The following KRABD2 variants were observed in gnomAD, a reference collection of about 807,000 sequenced individuals.
The protein encoded by KRABD2 is KRAB domain containing 2, also known as KRAB domain-containing protein 2.
chr17:8,370,102 C>G, the KRABD2 span: 2 of 1,614,104 alleles, frequency 1.2e-6, no homozygotes, highest in South Asian at 1.1e-5. Flanking sequence ...ATCAGTTTCT[C>G]TGTGCCCTGT....
At chr17:8,363,842 T>TATATATATA in the KRABD2 span, among the ~76,000 whole-genome samples, 64 of 80,886 alleles carry the variant, frequency 7.9e-4, 1 homozygote, top group African/African-American at 2.8e-3. Flanking sequence ...TATATATATA[T>TATATATATA]ATATATATAT....
the KRABD2 span, chr17:8,370,001 A>G: frequency 1.2e-6 from 2 of 1,614,102 alleles, no homozygotes; most frequent in Non-Finnish European, 8.5e-7. Flanking sequence ...CACCATGTCC[A>G]ATACTGAGAT....
At chr17:8,369,929 A>T in the KRABD2 span, 1 of 1,614,204 alleles carries the variant, frequency 6.2e-7, no homozygotes, top group East Asian at 2.2e-5. Context: ...GATATAAGAC[A>T]ATAACTTCTT....
chr17:8,363,590 C>T, the KRABD2 span, among the ~76,000 whole-genome samples: 15 of 151,786 alleles, frequency 9.9e-5, no homozygotes, highest in Admixed American at 7.2e-4. Flanking sequence ...TCAGGTGATC[C>T]GTCCATCTTG....
chr17:8,365,626 G>A, the KRABD2 span: 15 of 152,214 alleles, frequency 9.9e-5, no homozygotes, highest in African/African-American at 3.6e-4. Flanking sequence ...TGGAGGACAG[G>A]GTCCGCAAAG....
chr17:8,360,672 T>C, the KRABD2 span, among the ~76,000 whole-genome samples: 1 of 152,190 alleles, frequency 6.6e-6, no homozygotes, highest in Non-Finnish European at 1.5e-5. Context: ...TCTTTTATAT[T>C]TCAAAGTATC....
At chr17:8,370,906 C>A in the KRABD2 span, among the ~76,000 whole-genome samples, 1 of 151,908 alleles carries the variant, frequency 6.6e-6, no homozygotes, top group Non-Finnish European at 1.5e-5. Flanking sequence ...CAGTGGCTCA[C>A]GCCTGTAATC....
chr17:8,370,101 T>C, the KRABD2 span: 1 of 1,614,140 alleles, frequency 6.2e-7, no homozygotes. Flanking sequence ...TATCAGTTTC[T>C]CTGTGCCCTG....
At chr17:8,369,970 CCTT>C in the KRABD2 span, 23 of 1,614,044 alleles carry the variant, frequency 1.4e-5, no homozygotes, top group South Asian at 2.3e-4. Flanking sequence ...CCTTGCAGCT[CCTT>C]GAGCATGCGT....
the KRABD2 span, chr17:8,359,927 T>C: frequency 1.6e-5 from 7 of 434,664 alleles, no homozygotes; most frequent in Middle Eastern, 3.4e-4. Context: ...TACACTGAAT[T>C]GTGGGGGTAG....
chr17:8,366,624 A>G, the KRABD2 span, among the ~76,000 whole-genome samples: 1 of 152,316 alleles, frequency 6.6e-6, no homozygotes, highest in Non-Finnish European at 1.5e-5. Flanking sequence ...TGGCACATAC[A>G]GTTTCTCCTG....
the KRABD2 span, chr17:8,370,120 T>C: frequency 6.2e-7 from 1 of 1,614,052 alleles, no homozygotes; most frequent in Middle Eastern, 1.6e-4. Context: ...TGTACAGAGA[T>C]CACATCATAT....
At chr17:8,370,291 T>A in the KRABD2 span, 1 of 1,612,786 alleles carries the variant, frequency 6.2e-7, no homozygotes, top group Non-Finnish European at 8.5e-7. Context: ...TTTTCTCTCA[T>A]GTTACTTATC....
the KRABD2 span, among the ~76,000 whole-genome samples, chr17:8,372,575 A>T: frequency 2.0e-5 from 3 of 152,178 alleles, no homozygotes; most frequent in African/African-American, 7.2e-5. This position sits in a 1 kb window ranked among gnomAD's most constrained non-coding sequence, Gnocchi z 4.1. Flanking sequence ...TACAGGTGTG[A>T]GCCAGCACAC....
At chr17:8,375,193 A>T in the KRABD2 span, among the ~76,000 whole-genome samples, 1 of 151,180 alleles carries the variant, frequency 6.6e-6, no homozygotes. Context: ...TTGTATTTTT[A>T]CTAGAGATGG....
the KRABD2 span, among the ~76,000 whole-genome samples, chr17:8,373,040 T>C: frequency 6.6e-6 from 1 of 152,336 alleles, no homozygotes; most frequent in East Asian, 1.9e-4. Flanking sequence ...GGGTCTACAA[T>C]TATCTAATAG....
chr17:8,369,940 T>G, the KRABD2 span: 1 of 1,614,236 alleles, frequency 6.2e-7, no homozygotes, highest in South Asian at 1.1e-5. Flanking sequence ...ATAACTTCTT[T>G]GGTGACATTC....
the KRABD2 span, among the ~76,000 whole-genome samples, chr17:8,363,772 CATAT>C: frequency 7.1e-6 from 1 of 140,930 alleles, no homozygotes; most frequent in Non-Finnish European, 1.5e-5. Context: ...ATATATCATA[CATAT>C]ATATGTCATA....
At chr17:8,374,937 C>CAAAAAAAAAAAAAAAAAAAAA in the KRABD2 span, among the ~76,000 whole-genome samples, 38 of 46,182 alleles carry the variant, frequency 8.2e-4, 1 homozygote, top group East Asian at 2.1e-3. Flanking sequence ...GACTCTGTCA[C>CAAAAAAAAAAAAAAAAAAAAA]AAAAAAAAAA....
Sources: gnomAD v4.1 joint callset for allele counts (sites outside exome capture counted in the v4.1 genomes callset) on GRCh38, gnomAD v4.1.1 for gene constraint, Gnocchi (gnomAD v3.1) non-coding constraint, MANE v1.5 for transcripts, NCBI Gene and HGNC (gene_info 2026-07-23, HGNC 2026-07-21) for gene names.